The following SQOR variants were observed in gnomAD, a reference collection of about 807,000 sequenced individuals.
SQOR encodes sulfide quinone oxidoreductase, also known as sulfide:quinone oxidoreductase, mitochondrial.
A neutral mutation model predicts 48.6 loss-of-function variants in SQOR; 39 were observed. The observed-to-expected ratio is 0.80, with a 90% CI of 0.62 to 1.05. The LOEUF (loss-of-function observed/expected upper bound fraction) is 1.05, where lower values mean the gene tolerates loss of function less well. Among genes scored for constraint, SQOR ranks in the 50% least tolerant of loss-of-function variants. The pLI is 0.00. For synonymous variants in SQOR, 220 were observed against 206.2 expected, an observed-to-expected ratio of 1.07 and a Z score of -0.57; for missense variants, 561 against 559.9, an observed-to-expected ratio of 1.00 and a Z score of -0.02.
At position 45,664,090 on chromosome 15, in the gene SQOR, A is replaced by T. The variant is rs1161154006; in HGVS notation, c.405+1965A>T. ...TTGGAGCTAATTGGTATTGGGGCAC[A>T]TGGAGGTGGGGGATTGAATTTAAAA... On this transcript the variant is annotated intron_variant, in intron 3 of 9. Transcript: ENST00000260324. 2.0e-5 allele frequency among the ~76,000 whole-genome samples: 3 copies of T among 152,334 alleles called. No homozygotes were observed. The East Asian group carries it at 5.8e-4, about 29-fold the overall frequency.
intron 3 of SQOR, among the ~76,000 whole-genome samples, chr15:45,663,219 A>G (rs936620440): frequency 2.6e-5 from 4 of 151,980 alleles, no homozygotes; most frequent in Non-Finnish European, 5.9e-5. Context: ...GGGTTTTACC[A>G]TGTTGGCCAG....
chr15:45,678,580 C>G (rs556853130), intron 6 of SQOR, among the ~76,000 whole-genome samples: 4 of 151,926 alleles, frequency 2.6e-5, no homozygotes, highest in South Asian at 2.1e-4. Context: ...CCTTTACTTT[C>G]TGGTGTCACA....
intron 1 of SQOR, among the ~76,000 whole-genome samples, chr15:45,652,624 C>T (rs1889515054): frequency 1.4e-5 from 2 of 138,764 alleles, no homozygotes; most frequent in Admixed American, 7.5e-5. Context: ...TTTGGTATTA[C>T]AGGCGTGAGC....
upstream of SQOR, among the ~76,000 whole-genome samples, chr15:45,634,226 T>TATATATATATATATATATATA (rs1555399817): frequency 2.1e-4 from 7 of 33,566 alleles, no homozygotes; most frequent in African/African-American, 2.5e-4. Context: ...ATATATATAT[T>TATATATATATATATATATATA]CAAAATTCAT....
chr15:45,656,886 C>A (rs1351376716), intron 1 of SQOR, among the ~76,000 whole-genome samples: 2 of 151,576 alleles, frequency 1.3e-5, no homozygotes, highest in Admixed American at 1.3e-4. Context: ...CTTACTGCAA[C>A]CTCTGCCTCC....
At chr15:45,681,055 AAAC>A (rs1172951157) in intron 6 of SQOR, among the ~76,000 whole-genome samples, 4 of 152,090 alleles carry the variant, frequency 2.6e-5, no homozygotes, top group African/African-American at 7.2e-5. Flanking sequence ...ATAAAAGAAA[AAAC>A]AACAACAACA....
chr15:45,658,221 A>G (rs1037488282), intron 1 of SQOR, among the ~76,000 whole-genome samples: 3 of 152,156 alleles, frequency 2.0e-5, no homozygotes, highest in African/African-American at 7.2e-5. Context: ...GGCTCCTTTT[A>G]TGGCTTTCTA....
Position 45,673,669 on chromosome 15 carries a change from T to C in SQOR, c.522T>C (p.Thr174=). 4 of 1,614,230 alleles carry C rather than the reference T, an allele frequency of 2.5e-6. No individual in the cohort carries two copies. The highest frequency in any genetic ancestry group is 3.4e-6 in the Non-Finnish European group (4 of 1,180,034). The part of the protein sequence containing the change: ...PKIGSNYSVK[T]VEKTWKALQD... ...TAGGGTCGAATTATTCAGTTAAGAC[T>C]GTAGAGAAGACATGGAAAGCTCTGC... The change falls in exon 5 of 10, where the codon ACT becomes ACC. Residue 174 remains threonine, a synonymous_variant. Transcript: ENST00000260324.
intron 6 of SQOR, among the ~76,000 whole-genome samples, chr15:45,677,127 T>C (rs767990203): frequency 2.0e-5 from 3 of 152,108 alleles, no homozygotes; most frequent in Non-Finnish European, 2.9e-5. Context: ...AGCTTTTACC[T>C]AGATTCACTT....
intron 7 of SQOR, among the ~76,000 whole-genome samples, chr15:45,684,224 A>G (rs1471854287): frequency 2.0e-5 from 3 of 151,966 alleles, no homozygotes; most frequent in Non-Finnish European, 4.4e-5. Context: ...GTATTTATGT[A>G]TATTTTCCTA....
At position 45,662,028 on chromosome 15, in the gene SQOR, C is replaced by T. The variant is rs772634155; in HGVS notation, c.308C>T (p.Thr103Met). The T allele has an allele frequency of 7.9e-5, 127 of 1,614,070 alleles. No individual in the cohort carries two copies. Among genetic ancestry groups the T allele is most frequent in the Non-Finnish European group, 9.3e-5 (110 of 1,180,044 alleles). ...AKQLSSSGRP[T>M]ASVIPSGVEW... ...CAATTGTCCTCATCTGGTCGTCCCA[C>T]GGCAAGTGTGATTCCATCTGGTGTA... is the stretch of plus-strand genomic sequence containing the variant. Residue 103 changes from threonine (T) to methionine (M), a missense_variant, in exon 3 of 10, where the codon ACG (threonine) becomes ATG (methionine). Physicochemically the swap from Thr to Met is moderately conservative, Grantham distance 81 (BLOSUM62 -1). Transcript: ENST00000260324.
chr15:45,653,021 C>T (rs1456079884), intron 1 of SQOR, among the ~76,000 whole-genome samples: 1 of 152,100 alleles, frequency 6.6e-6, no homozygotes, highest in Non-Finnish European at 1.5e-5. Context: ...TCTTTCTCTG[C>T]TTGTTGCTAT....
At chr15:45,684,192 C>T (rs754226881) in intron 7 of SQOR, among the ~76,000 whole-genome samples, 2 of 152,130 alleles carry the variant, frequency 1.3e-5, no homozygotes, top group African/African-American at 2.4e-5. Context: ...GGATTACAGG[C>T]GTGAGCCACC....
intron 4 of SQOR, 40 bp from the exon 5 acceptor site, chr15:45,673,567 G>T: frequency 3.8e-6 from 6 of 1,591,972 alleles, no homozygotes; most frequent in Non-Finnish European, 5.1e-6. Context: ...AAAGACATTT[G>T]CACTTTTGTT....
chr15:45,670,642 A>G (rs931974492), intron 4 of SQOR, among the ~76,000 whole-genome samples: 6 of 152,256 alleles, frequency 3.9e-5, no homozygotes, highest in Non-Finnish European at 8.8e-5. Flanking sequence ...TACAGGAAAC[A>G]TCTGTGCTAA....
intron 4 of SQOR, among the ~76,000 whole-genome samples, chr15:45,670,741 C>T (rs1258929461): frequency 6.6e-6 from 1 of 152,048 alleles, no homozygotes; most frequent in African/African-American, 2.4e-5. Flanking sequence ...TGAATTGTGT[C>T]ATGTCCAGGG....
At chr15:45,650,639 T>C (rs959233191) in intron 1 of SQOR, among the ~76,000 whole-genome samples, 2 of 152,200 alleles carry the variant, frequency 1.3e-5, no homozygotes, top group African/African-American at 4.8e-5. Flanking sequence ...ATCCTGCTGA[T>C]TGGTCCATTT....
intron 3 of SQOR, among the ~76,000 whole-genome samples, chr15:45,669,057 C>T (rs1038682390): frequency 5.3e-5 from 8 of 151,790 alleles, no homozygotes; most frequent in Non-Finnish European, 1.2e-4. Context: ...TTGGTCCAAT[C>T]CACATGACAG....
chr15:45,649,992 G>T (rs1344504702), intron 1 of SQOR, among the ~76,000 whole-genome samples: 4 of 151,708 alleles, frequency 2.6e-5, no homozygotes, highest in African/African-American at 9.7e-5. Flanking sequence ...ACAGTTATGT[G>T]CCACCACAGC....
Sources: gnomAD v4.1 joint callset for allele counts (sites outside exome capture counted in the v4.1 genomes callset) on GRCh38, gnomAD v4.1.1 for gene constraint, MANE v1.5 for transcripts, NCBI Gene and HGNC (gene_info 2026-07-23, HGNC 2026-07-21) for gene names.